SLC24A2: variants seen among roughly 807,000 people sequenced by gnomAD.
SLC24A2 encodes solute carrier family 24 member 2.
Under a neutral mutation model 62.0 loss-of-function variants are expected in SLC24A2, and 36 were observed. The ratio of observed to expected loss-of-function variants is 0.58; its 90% CI spans 0.44 to 0.77. The LOEUF is 0.77. SLC24A2 is among the 30% of genes least tolerant of loss of function. The probability of loss-of-function intolerance (pLI) is 0.00; values close to 1 mark genes in which losing one functional copy is unlikely to be tolerated. For synonymous variants in SLC24A2, 358 were observed against 294.0 expected, an observed-to-expected ratio of 1.22 and a Z score of -2.23; for missense variants, 846 against 817.9, an observed-to-expected ratio of 1.03 and a Z score of -0.42.
chr9:20,101,839 T>C, the SLC24A2 span, among the ~76,000 whole-genome samples: 2 of 152,096 alleles, frequency 1.3e-5, no homozygotes, highest in Non-Finnish European at 2.9e-5. Flanking sequence ...AAAGAAGTGA[T>C]CCCAATGGAA....
chr9:20,139,010 T>G, the SLC24A2 span, among the ~76,000 whole-genome samples: 1 of 152,212 alleles, frequency 6.6e-6, no homozygotes, highest in East Asian at 1.9e-4. Context: ...CCTCCCCGCC[T>G]CATGGTCACC....
the SLC24A2 span, among the ~76,000 whole-genome samples, chr9:19,949,993 T>A: frequency 6.6e-6 from 1 of 152,170 alleles, no homozygotes; most frequent in Non-Finnish European, 1.5e-5. Context: ...ATCCACTGAA[T>A]TGTATAATTC....
the SLC24A2 span, among the ~76,000 whole-genome samples, chr9:20,253,137 T>A: frequency 6.6e-6 from 1 of 152,200 alleles, no homozygotes; most frequent in Non-Finnish European, 1.5e-5. Flanking sequence ...TGTTAGATAG[T>A]TAGGAGCCTG....
At chr9:19,553,613 G>A (rs1447668702) in intron 7 of SLC24A2, among the ~76,000 whole-genome samples, 1 of 152,150 alleles carries the variant, frequency 6.6e-6, no homozygotes. Context: ...AAAAGAGTCA[G>A]TGCAGCATGC....
the SLC24A2 span, among the ~76,000 whole-genome samples, chr9:19,897,592 A>G: frequency 1.3e-5 from 2 of 152,202 alleles, no homozygotes; most frequent in Non-Finnish European, 2.9e-5. Flanking sequence ...TGGGCAACAA[A>G]CATGTGTCCT....
At chr9:19,531,297 G>A (rs1563937191) in intron 8 of SLC24A2, among the ~76,000 whole-genome samples, 1 of 152,130 alleles carries the variant, frequency 6.6e-6, no homozygotes, top group Non-Finnish European at 1.5e-5. Context: ...AGACATCTCT[G>A]CCCAGTAGCA....
intron 4 of SLC24A2, among the ~76,000 whole-genome samples, chr9:19,603,498 G>C (rs1193525281): frequency 6.6e-6 from 1 of 151,684 alleles, no homozygotes; most frequent in African/African-American, 2.4e-5. Flanking sequence ...CACAGGGTGA[G>C]GGGAGGGAGG....
intron 2 of SLC24A2, among the ~76,000 whole-genome samples, chr9:19,732,923 G>T (rs1029667904): frequency 2.6e-5 from 4 of 152,158 alleles, no homozygotes; most frequent in Non-Finnish European, 5.9e-5. Flanking sequence ...TAAAACCTAG[G>T]AATTAACCTG....
At chr9:19,560,703 C>T (rs1418426439) in intron 7 of SLC24A2, among the ~76,000 whole-genome samples, 1 of 152,150 alleles carries the variant, frequency 6.6e-6, no homozygotes, top group East Asian at 1.9e-4. Flanking sequence ...ATACAATGCC[C>T]ATAAGGATGT....
intron 7 of SLC24A2, among the ~76,000 whole-genome samples, chr9:19,562,245 A>G (rs1388872744): frequency 1.3e-5 from 2 of 152,244 alleles, no homozygotes; most frequent in Admixed American, 6.5e-5. Flanking sequence ...CATAAAAAAT[A>G]ATTCAAAAAT....
the SLC24A2 span, among the ~76,000 whole-genome samples, chr9:19,802,790 A>G: frequency 6.6e-6 from 1 of 152,236 alleles, no homozygotes; most frequent in Admixed American, 6.5e-5. Flanking sequence ...TAATGTTAAA[A>G]TGGACATGCT....
chr9:19,772,418 G>C (rs1822717281), intron 2 of SLC24A2, among the ~76,000 whole-genome samples: 1 of 152,146 alleles, frequency 6.6e-6, no homozygotes, highest in Admixed American at 6.5e-5. Flanking sequence ...CTGTATCTAT[G>C]GAGCACATTT....
chr9:20,250,154 G>A, the SLC24A2 span, among the ~76,000 whole-genome samples: 4 of 152,172 alleles, frequency 2.6e-5, no homozygotes, highest in Non-Finnish European at 5.9e-5. Flanking sequence ...TAGCAGCTCT[G>A]TAATGTAGAT....
At chr9:19,710,199 A>G (rs1178052533) in intron 2 of SLC24A2, among the ~76,000 whole-genome samples, 3 of 152,320 alleles carry the variant, frequency 2.0e-5, no homozygotes, top group South Asian at 2.1e-4. Flanking sequence ...TGATTAATTC[A>G]TCATTCAACA....
chr9:20,251,151 C>G, the SLC24A2 span, among the ~76,000 whole-genome samples: 1 of 152,316 alleles, frequency 6.6e-6, no homozygotes, highest in East Asian at 1.9e-4. Flanking sequence ...CACAACCAAC[C>G]TTTGGGAAAA....
chr9:20,026,129 C>G, the SLC24A2 span, among the ~76,000 whole-genome samples: 1 of 152,122 alleles, frequency 6.6e-6, no homozygotes, highest in Non-Finnish European at 1.5e-5. Flanking sequence ...AAGATCTATT[C>G]TATCAGGCTG....
chr9:20,077,973 G>A, the SLC24A2 span, among the ~76,000 whole-genome samples: 1 of 143,252 alleles, frequency 7.0e-6, no homozygotes, highest in Non-Finnish European at 1.6e-5. Context: ...CTCCACTAAA[G>A]AGAATATGTA....
chr9:19,953,584 A>G, the SLC24A2 span, among the ~76,000 whole-genome samples: 2 of 152,186 alleles, frequency 1.3e-5, no homozygotes, highest in African/African-American at 2.4e-5. Context: ...AAGGCACCTC[A>G]GATCAAAAGA....
chr9:19,624,526 T>G (rs912737915), intron 2 of SLC24A2, among the ~76,000 whole-genome samples: 1 of 152,092 alleles, frequency 6.6e-6, no homozygotes, highest in Non-Finnish European at 1.5e-5. Flanking sequence ...AGGAGGATCA[T>G]AAAACATAAA....
Sources: gnomAD v4.1 joint callset for allele counts (sites outside exome capture counted in the v4.1 genomes callset) on GRCh38, gnomAD v4.1.1 for gene constraint, MANE v1.5 for transcripts, NCBI Gene and HGNC (gene_info 2026-07-23, HGNC 2026-07-21) for gene names.